The following IL4R variants were observed in gnomAD, a reference collection of about 807,000 sequenced individuals.
IL4R encodes interleukin 4 receptor.
Under a neutral mutation model 41.5 loss-of-function variants are expected in IL4R, and 17 were observed. The ratio of observed to expected loss-of-function variants is 0.41; its 90% CI spans 0.28 to 0.61. The LOEUF (loss-of-function observed/expected upper bound fraction) is 0.61. IL4R is among the 20% of genes least tolerant of loss of function. The pLI, the probability that IL4R is intolerant of heterozygous loss-of-function variation, is 0.31. For missense variants in IL4R, 974 were observed against 1,043.1 expected (o/e 0.93, Z 0.91); for synonymous variants, 402 against 422.9 (o/e 0.95, Z 0.61).
rs1002403040 is a variant in IL4R at position 27,364,119 on chromosome 16, A to G, written c.*289A>G. On this transcript the variant is annotated 3_prime_UTR_variant, in exon 11 of 11. Transcript: ENST00000395762. The stretch of plus-strand genomic sequence containing the variant: ...AAAACTGAGGCCCTTGGGCACCTCG[A>G]CTTGTGAACGAGTTGTTGGCTGCTC... 1 of 384,570 alleles carries G rather than the reference A, an allele frequency of 2.6e-6. No individual in the cohort carries two copies. Among genetic ancestry groups the G allele is most frequent in the African/African-American group, 2.0e-5 (1 of 48,846 alleles). 23.8% of individuals were successfully genotyped at this position (384,570 alleles called of 1,614,324 possible).
intron 3 of IL4R, chr16:27,341,343 T>G (rs1298370113): frequency 3.3e-6 from 2 of 600,556 alleles, no homozygotes; most frequent in Admixed American, 5.9e-5. Context: ...GAATCAGGAG[T>G]TAGTTTTGGA....
Position 27,345,742 on chromosome 16 carries a change from C to G in IL4R, c.361+722C>G. ...TCCCAGCACTTTGGGAGGCCGAGCCCAGCGGATCACCGGAGGTCAGGAGTT... is the reference window on the plus strand; with the variant it reads ...TCCCAGCACTTTGGGAGGCCGAGCCGAGCGGATCACCGGAGGTCAGGAGTT... On this transcript the variant is annotated intron_variant, in intron 5 of 10. Transcript: ENST00000395762. The surrounding 1 kb of genome is among the most constrained non-coding windows in gnomAD (Gnocchi z 4.5). The G allele has an allele frequency of 1.3e-5, 2 of 152,260 alleles. No individual in the cohort carries two copies. Among genetic ancestry groups the G allele is most frequent in the Non-Finnish European group, 2.9e-5 (2 of 68,668 alleles). The allele number at this position is 152,260 out of a possible 1,614,324, so 9.4% of individuals were successfully genotyped here.
intron 9 of IL4R, chr16:27,359,909 G>A: frequency 2.3e-6 from 1 of 435,916 alleles, no homozygotes; most frequent in Non-Finnish European, 4.7e-6. Context: ...TTGGGGCTGG[G>A]CTCAGCAGTG....
At chr16:27,328,205 C>CAAAAAAAAA (rs779355998) in intron 1 of IL4R, among the ~76,000 whole-genome samples, 1,654 of 70,252 alleles carry the variant, frequency 0.024, 61 homozygotes, top group East Asian at 0.091. Context: ...GGCTCCATCT[C>CAAAAAAAAA]AAAAAAAAAA....
intron 1 of IL4R, among the ~76,000 whole-genome samples, chr16:27,328,248 A>T (rs1412995948): frequency 2.2e-5 from 3 of 138,850 alleles, no homozygotes; most frequent in African/African-American, 5.2e-5. Flanking sequence ...TTATTGCTGA[A>T]TTTTTTTTTT....
intron 1 of IL4R, among the ~76,000 whole-genome samples, chr16:27,317,683 C>T (rs917718661): frequency 8.5e-5 from 13 of 152,168 alleles, no homozygotes; most frequent in Admixed American, 7.2e-4. Context: ...AGGGCCTGAG[C>T]TTGAAGAGGG....
At chr16:27,322,893 G>A (rs1335533407) in intron 1 of IL4R, among the ~76,000 whole-genome samples, 1 of 152,128 alleles carries the variant, frequency 6.6e-6, no homozygotes, top group African/African-American at 2.4e-5. Flanking sequence ...CACAGATGAG[G>A]AGACTGAGGC....
chr16:27,330,470 G>A (rs1255009476), intron 2 of IL4R, among the ~76,000 whole-genome samples: 1 of 152,002 alleles, frequency 6.6e-6, no homozygotes, highest in African/African-American at 2.4e-5. Context: ...GGGCAAGATT[G>A]TAGAAATCTG....
intron 7 of IL4R, among the ~76,000 whole-genome samples, chr16:27,354,798 A>G (rs974638592): frequency 4.6e-5 from 7 of 152,192 alleles, no homozygotes; most frequent in African/African-American, 9.7e-5. Context: ...CCCTCTCAGC[A>G]TTGCTCATCC....
rs2085611068 is a variant in IL4R at position 27,345,524 on chromosome 16, A to G, written c.361+504A>G. ...TCCAGTGATGCATGATATGACATGC[A>G]TCACAGGAATAAAAACCTGAGGTCT... On this transcript the variant is annotated intron_variant, in intron 5 of 10. Transcript: ENST00000395762. This position sits in a 1 kb window ranked among gnomAD's most constrained non-coding sequence, Gnocchi z 4.5. The G allele has an allele frequency of 8.2e-6, 2 of 244,806 alleles. No homozygotes were observed. The highest frequency in any genetic ancestry group is 1.0e-4 in the South Asian group (2 of 20,010). 15.2% of individuals were successfully genotyped at this position (244,806 alleles called of 1,614,324 possible). A position where few individuals can be genotyped will look rare whatever the true frequency, so the allele number is the denominator to read the frequency against.
intron 1 of IL4R, among the ~76,000 whole-genome samples, chr16:27,324,498 G>A (rs1258690775): frequency 2.6e-5 from 4 of 152,248 alleles, no homozygotes; most frequent in Admixed American, 6.5e-5. Context: ...ATGGCTGTGA[G>A]CGGGATCGAC....
intron 2 of IL4R, among the ~76,000 whole-genome samples, chr16:27,331,673 A>G (rs1047747719): frequency 2.0e-5 from 3 of 152,068 alleles, no homozygotes; most frequent in Non-Finnish European, 4.4e-5. Flanking sequence ...TGCACACTGC[A>G]CTTAGATCCA....
chr16:27,314,083 G>A (rs1311758803), intron 1 of IL4R, 63 bp downstream of exon 1: 3 of 985,176 alleles, frequency 3.0e-6, no homozygotes, highest in Non-Finnish European at 3.6e-6. Flanking sequence ...CGCCGGCTGA[G>A]GGCGTTCGGG....
chr16:27,356,084 CTTT>C (rs36125482), intron 8 of IL4R, among the ~76,000 whole-genome samples, 177 bp downstream of exon 8: 7 of 113,718 alleles, frequency 6.2e-5, no homozygotes, highest in Non-Finnish European at 1.1e-4. Context: ...CCACTTTTTT[CTTT>C]TTTTTTTTTT....
At chr16:27,354,882 C>T in intron 7 of IL4R, 1 of 375,208 alleles carries the variant, frequency 2.7e-6, no homozygotes, top group Non-Finnish European at 5.8e-6. Context: ...GTCTCCATGG[C>T]TGTATCTCCA....
intron 7 of IL4R, chr16:27,355,178 A>G (rs3024633): frequency 0.068 from 22,415 of 328,324 alleles, 919 homozygotes; most frequent in Middle Eastern, 0.11. Context: ...AATCACATGG[A>G]TCTGGATGAC....
rs139847209 is a variant in IL4R, at chr16:27,359,764, A to G, written c.849+770A>G. 1.3e-5 allele frequency: 6 copies of G among 456,076 alleles called. No homozygotes were observed. In the East Asian group the frequency reaches 3.5e-4, roughly 26 times the overall value. 28.3% of individuals were successfully genotyped at this position (456,076 alleles called of 1,614,324 possible). A position where few individuals can be genotyped will look rare whatever the true frequency, so the allele number is the denominator to read the frequency against. The stretch of plus-strand genomic sequence containing the variant: ...TGGAATTTATTGAGACAATACATAT[A>G]AAGTGCATATTCCAGCCTCTTGCAA... On this transcript the variant is annotated intron_variant, in intron 9 of 10. Transcript: ENST00000395762.
intron 1 of IL4R, among the ~76,000 whole-genome samples, chr16:27,325,636 G>A (rs1211695981): frequency 6.6e-6 from 1 of 151,786 alleles, no homozygotes; most frequent in Non-Finnish European, 1.5e-5. Flanking sequence ...TATCTCATAG[G>A]GAGGGCTTAA....
intron 1 of IL4R, among the ~76,000 whole-genome samples, chr16:27,323,107 C>T (rs1177314640): frequency 6.6e-6 from 1 of 152,206 alleles, no homozygotes; most frequent in Non-Finnish European, 1.5e-5. Context: ...CCACCCACTG[C>T]CTTCCATATG....
Sources: gnomAD v4.1 joint callset for allele counts (sites outside exome capture counted in the v4.1 genomes callset) on GRCh38, gnomAD v4.1.1 for gene constraint, Gnocchi (gnomAD v3.1) non-coding constraint, MANE v1.5 for transcripts, NCBI Gene and HGNC (gene_info 2026-07-23, HGNC 2026-07-21) for gene names.